Variants in TANK observed in about 807,000 individuals in gnomAD.
TANK encodes the protein TRAF family member-associated NF-kappa-B activator.
Under a neutral mutation model 43.6 loss-of-function variants are expected in TANK, and 15 were observed. The ratio of observed to expected loss-of-function variants is 0.34; its 90% confidence interval spans 0.23 to 0.53. The LOEUF (loss-of-function observed/expected upper bound fraction) is 0.53, where lower values mean the gene tolerates loss of function less well. TANK is among the 20% of genes least tolerant of loss of function. TANK has a pLI of 0.94. For synonymous variants in TANK, 162 were observed against 178.2 expected, an observed-to-expected ratio of 0.91 and a Z score of 0.73; for missense variants, 417 against 498.6, an observed-to-expected ratio of 0.84 and a Z score of 1.56.
intron 1 of TANK, among the ~76,000 whole-genome samples, chr2:161,150,532 T>G (rs1156713611): frequency 1.3e-5 from 2 of 151,932 alleles, no homozygotes; most frequent in African/African-American, 4.8e-5. Flanking sequence ...AGTTTGCTCT[T>G]CCTTTTCCAG....
chr2:161,218,934 T>A (rs1687231218), intron 4 of TANK, among the ~76,000 whole-genome samples: 1 of 152,184 alleles, frequency 6.6e-6, no homozygotes, highest in Non-Finnish European at 1.5e-5. Flanking sequence ...CACAGATCAG[T>A]TCATTTTAAA....
chr2:161,210,962 G>A (rs531534052), intron 4 of TANK, among the ~76,000 whole-genome samples: 96 of 152,288 alleles, frequency 6.3e-4, no homozygotes, highest in Non-Finnish European at 1.2e-3. Flanking sequence ...ATTATTCTAG[G>A]TCACTTGGGA....
intron 7 of TANK, among the ~76,000 whole-genome samples, chr2:161,231,978 A>G (rs1687931883): frequency 6.6e-6 from 1 of 152,220 alleles, no homozygotes; most frequent in Non-Finnish European, 1.5e-5. Flanking sequence ...TGCATCTTAC[A>G]TTTCTATTTA....
In TANK at chr2:161,235,644, AT is replaced by A; in HGVS notation, c.*133del. The A allele has an allele frequency of 5.3e-6, 4 of 750,480 alleles. No homozygotes were observed. The highest frequency in any genetic ancestry group is 7.9e-6 in the Non-Finnish European group (4 of 505,702). 46.5% of individuals were successfully genotyped at this position (750,480 alleles called of 1,614,324 possible). ...AAAATCTAGTTTCACAGCTATTTGAATTTTTTTCTGGATTTACTATATAACT... is the reference window on the plus strand; with the variant it reads ...AAAATCTAGTTTCACAGCTATTTGAATTTTTTCTGGATTTACTATATAACT... On this transcript the variant is annotated 3_prime_UTR_variant, in exon 8 of 8. Coordinates refer to ENST00000392749, the MANE Select transcript of TANK (RefSeq NM_001199135.3).
intron 7 of TANK, among the ~76,000 whole-genome samples, chr2:161,233,442 T>G (rs944542741): frequency 6.6e-6 from 1 of 152,076 alleles, no homozygotes; most frequent in Non-Finnish European, 1.5e-5. Context: ...CTGAGTTGTT[T>G]GTAGATAGTA....
intron 4 of TANK, among the ~76,000 whole-genome samples, chr2:161,220,441 A>G (rs1305430910): frequency 1.3e-5 from 2 of 152,178 alleles, no homozygotes; most frequent in Non-Finnish European, 1.5e-5. Context: ...TGTCTCTACT[A>G]AATATACAAA....
At chr2:161,212,707 G>A in intron 4 of TANK, 1 of 985,044 alleles carries the variant, frequency 1.0e-6, no homozygotes, top group South Asian at 4.7e-5. Context: ...TTTAAAACTT[G>A]TCTTCAAAGC....
At chr2:161,192,402 T>G (rs1010152743) in intron 2 of TANK, among the ~76,000 whole-genome samples, 19 of 152,250 alleles carry the variant, frequency 1.2e-4, no homozygotes, top group Non-Finnish European at 5.9e-5. Context: ...CTCTTACCAC[T>G]ACTAGTGTCC....
intron 1 of TANK, among the ~76,000 whole-genome samples, chr2:161,151,593 TC>T (rs1684083376): frequency 6.6e-6 from 1 of 152,196 alleles, no homozygotes; most frequent in Non-Finnish European, 1.5e-5. Flanking sequence ...ACGCCATCTC[TC>T]TTTTGGTTAC....
Position 161,143,307 on chromosome 2 carries a change from G to A in TANK, c.-50+6244G>A, listed in dbSNP as rs186515787. Among the ~76,000 whole-genome samples the A allele has an allele frequency of 3.2e-3, 493 of 152,112 alleles. 3 individuals are homozygous for A. The highest frequency in any genetic ancestry group is 0.011 in the African/African-American group (473 of 41,512). On this transcript the variant is annotated intron_variant, in intron 1 of 7. Transcript: ENST00000259075. ...ACTTCTTCTCTTCCTATCTGAATAC[G>A]CTTTATTTCTTTCTCTTGCCTGATT...
chr2:161,189,255 CA>C, intron 2 of TANK, among the ~76,000 whole-genome samples: 1 of 152,164 alleles, frequency 6.6e-6, no homozygotes, highest in Non-Finnish European at 1.5e-5. Context: ...CATGATATAC[CA>C]TGTAATATAC....
chr2:161,210,885 G>A (rs1419622081), intron 4 of TANK, among the ~76,000 whole-genome samples: 1 of 152,112 alleles, frequency 6.6e-6, no homozygotes, highest in Non-Finnish European at 1.5e-5. Flanking sequence ...TGTGTGCATA[G>A]ATAAGTAAAG....
chr2:161,189,600 T>C (rs566340024), intron 2 of TANK, among the ~76,000 whole-genome samples: 1 of 152,250 alleles, frequency 6.6e-6, no homozygotes, highest in East Asian at 1.9e-4. Flanking sequence ...AATAAAATTA[T>C]CTCTGTTTGT....
chr2:161,179,528 C>A, intron 1 of TANK, 86 bp from the exon 2 acceptor site: 3 of 1,217,228 alleles, frequency 2.5e-6, no homozygotes, highest in Non-Finnish European at 3.4e-6. Flanking sequence ...TTGTGGTAAA[C>A]CTTATAGAAC....
rs564527904 is a variant in TANK at position 161,185,785 on chromosome 2, C to T, written c.99+6024C>T. 3.0e-4 allele frequency among the ~76,000 whole-genome samples: 46 copies of T among 151,422 alleles called. No homozygotes were observed. In the South Asian group the frequency reaches 9.0e-3, roughly 30 times the overall value. ...CCAGATGACGAGTTAGTGGGTGTAGCGCACCAGCATGGCACATGTATACAT... is the reference window on the plus strand; with the variant it reads ...CCAGATGACGAGTTAGTGGGTGTAGTGCACCAGCATGGCACATGTATACAT... On this transcript the variant is annotated intron_variant, in intron 2 of 7. Coordinates refer to ENST00000392749, the MANE Select transcript of TANK (RefSeq NM_001199135.3).
chr2:161,174,584 G>C (rs1685096819), intron 1 of TANK, among the ~76,000 whole-genome samples: 1 of 152,132 alleles, frequency 6.6e-6, no homozygotes, highest in Admixed American at 6.5e-5. Flanking sequence ...AAGTTTTTAT[G>C]TTGTGTATAG....
chr2:161,218,251 G>T (rs1022103417), intron 4 of TANK, among the ~76,000 whole-genome samples: 3 of 152,116 alleles, frequency 2.0e-5, no homozygotes, highest in African/African-American at 7.2e-5. Flanking sequence ...GCTTCTCAGT[G>T]ATAAATATAT....
intron 1 of TANK, chr2:161,139,646 C>T: frequency 1.0e-6 from 1 of 966,986 alleles, no homozygotes; most frequent in Non-Finnish European, 1.2e-6. Flanking sequence ...ACCAACCAAA[C>T]CTACACGTTT....
chr2:161,179,946 AC>A (rs1685347471), intron 2 of TANK, 185 bp downstream of exon 2: 10 of 1,277,560 alleles, frequency 7.8e-6, no homozygotes, highest in African/African-American at 3.1e-5. Context: ...AAATATTGCA[AC>A]CCATAGGAAG....
Sources: gnomAD v4.1 joint callset for allele counts (sites outside exome capture counted in the v4.1 genomes callset) on GRCh38, gnomAD v4.1.1 for gene constraint, MANE v1.5 for transcripts, NCBI Gene and HGNC (gene_info 2026-07-23, HGNC 2026-07-21) for gene names.